The following PTPRD variants were observed in gnomAD, a reference collection of about 807,000 sequenced individuals.
The protein encoded by PTPRD is receptor-type tyrosine-protein phosphatase delta.
Under a neutral mutation model 214.5 loss-of-function variants are expected in PTPRD, and 34 were observed. The ratio of observed to expected loss-of-function variants is 0.16; its 90% CI spans 0.12 to 0.21. PTPRD has a LOEUF of 0.21. Among genes scored for constraint, PTPRD ranks in the 10% least tolerant of loss-of-function variants. PTPRD has a pLI of 1.00. For missense variants in PTPRD, 2,545 were observed against 2,398.7 expected, an observed-to-expected ratio of 1.06 and a Z score of -1.27; for synonymous variants, 1,128 against 845.7, an observed-to-expected ratio of 1.33 and a Z score of -5.79.
chr9:10,114,439 G>A (rs952207074), intron 3 of PTPRD, among the ~76,000 whole-genome samples: 1 of 152,066 alleles, frequency 6.6e-6, no homozygotes, highest in Non-Finnish European at 1.5e-5. Flanking sequence ...TAGCTAGACA[G>A]GACCAATACC....
intron 3 of PTPRD, among the ~76,000 whole-genome samples, chr9:10,313,048 AT>A (rs1441584079): frequency 6.6e-6 from 1 of 151,892 alleles, no homozygotes; most frequent in Non-Finnish European, 1.5e-5. Flanking sequence ...GATTGGATAT[AT>A]GTCCTCTCCA....
At chr9:10,303,631 T>C (rs582806) in intron 3 of PTPRD, among the ~76,000 whole-genome samples, 2 of 151,686 alleles carry the variant, frequency 1.3e-5, no homozygotes, top group African/African-American at 2.4e-5. Context: ...AATACTATAA[T>C]CATCTGTAGG....
At chr9:8,504,799 T>C (rs1213452799) in intron 22 of PTPRD, among the ~76,000 whole-genome samples, 4 of 152,182 alleles carry the variant, frequency 2.6e-5, no homozygotes, top group Non-Finnish European at 5.9e-5. Flanking sequence ...GCCCAACATG[T>C]GCAATTTTAA....
chr9:8,749,820 G>A (rs563205628), intron 11 of PTPRD, among the ~76,000 whole-genome samples: 33 of 152,122 alleles, frequency 2.2e-4, no homozygotes, highest in East Asian at 3.9e-4. Context: ...AGCAAGGTCC[G>A]GCTGGGTGCG....
chr9:8,618,914 G>GTTTTTTT (rs554282961), intron 14 of PTPRD, among the ~76,000 whole-genome samples: 1 of 67,834 alleles, frequency 1.5e-5, no homozygotes, highest in Admixed American at 2.3e-4. Flanking sequence ...GTGTTTTTTT[G>GTTTTTTT]TTTTTTTTTT....
chr9:8,782,422 T>G (rs1318615083), intron 11 of PTPRD, among the ~76,000 whole-genome samples: 1 of 152,188 alleles, frequency 6.6e-6, no homozygotes, highest in Non-Finnish European at 1.5e-5. Context: ...GTCACCATGT[T>G]GTGCAATACA....
chr9:9,350,249 G>A (rs1050312937), intron 9 of PTPRD, among the ~76,000 whole-genome samples: 1 of 152,048 alleles, frequency 6.6e-6, no homozygotes, highest in Non-Finnish European at 1.5e-5. Flanking sequence ...TGGATTCTAA[G>A]GCATTCTGAC....
At chr9:10,223,670 A>AAATAATAATAATAAT (rs67338126) in intron 3 of PTPRD, among the ~76,000 whole-genome samples, 4 of 134,350 alleles carry the variant, frequency 3.0e-5, no homozygotes, top group South Asian at 4.9e-4. Context: ...ATTCTGTCTC[A>AAATAATAATAATAAT]AATAATAATA....
intron 33 of PTPRD, among the ~76,000 whole-genome samples, chr9:8,458,146 A>C (rs754013985): frequency 2.6e-5 from 4 of 152,162 alleles, no homozygotes; most frequent in African/African-American, 9.7e-5. Flanking sequence ...CGATGCTTAC[A>C]TAGGCCCACA....
intron 10 of PTPRD, among the ~76,000 whole-genome samples, chr9:9,098,709 T>C (rs1029700861): frequency 1.3e-5 from 2 of 152,222 alleles, no homozygotes; most frequent in African/African-American, 4.8e-5. Context: ...ATGTGGATCT[T>C]ACACGCTATT....
intron 32 of PTPRD, among the ~76,000 whole-genome samples, chr9:8,461,124 C>T (rs1208021581): frequency 3.3e-5 from 5 of 152,030 alleles, no homozygotes; most frequent in Non-Finnish European, 5.9e-5. Flanking sequence ...AATACTACTG[C>T]ATATTAGTTA....
intron 6 of PTPRD, among the ~76,000 whole-genome samples, chr9:9,748,181 A>T (rs534181069): frequency 4.7e-4 from 71 of 152,300 alleles, no homozygotes; most frequent in African/African-American, 1.5e-3. Flanking sequence ...CTTGGTGCAT[A>T]TAAAGATAGT....
chr9:9,514,019 G>A (rs1054167647), intron 8 of PTPRD, among the ~76,000 whole-genome samples: 2 of 151,966 alleles, frequency 1.3e-5, no homozygotes, highest in Admixed American at 1.3e-4. Context: ...TGCTTTCCTG[G>A]AGAGCCTTAA....
chr9:10,575,873 T>C (rs1211509722), intron 2 of PTPRD, among the ~76,000 whole-genome samples: 3 of 152,158 alleles, frequency 2.0e-5, no homozygotes, highest in Non-Finnish European at 4.4e-5. Flanking sequence ...ATTTTCTTTC[T>C]GCTAATTCCT....
chr9:9,655,412 T>C (rs2096484788), intron 7 of PTPRD, among the ~76,000 whole-genome samples: 1 of 150,826 alleles, frequency 6.6e-6, no homozygotes, highest in Non-Finnish European at 1.5e-5. Context: ...TGTACTAAAA[T>C]ACAAAAATTA....
chr9:10,411,368 TCATCATGA>T (rs1427594678), intron 2 of PTPRD, among the ~76,000 whole-genome samples: 1 of 151,794 alleles, frequency 6.6e-6, no homozygotes, highest in African/African-American at 2.4e-5. Flanking sequence ...ATTTCCCAGT[TCATCATGA>T]AAGGATGCAA....
intron 3 of PTPRD, among the ~76,000 whole-genome samples, chr9:10,257,984 G>A (rs1041151174): frequency 6.6e-6 from 1 of 152,266 alleles, no homozygotes; most frequent in South Asian, 2.1e-4. Context: ...GGAAGGGAAG[G>A]AGAAGGTAGG....
intron 10 of PTPRD, among the ~76,000 whole-genome samples, chr9:9,061,558 A>G (rs1266088209): frequency 1.3e-5 from 2 of 152,156 alleles, no homozygotes; most frequent in Non-Finnish European, 2.9e-5. Flanking sequence ...ATACACCCCA[A>G]GGTTGTCAAC....
At chr9:9,637,444 G>T (rs1312394647) in intron 7 of PTPRD, among the ~76,000 whole-genome samples, 2 of 152,182 alleles carry the variant, frequency 1.3e-5, no homozygotes, top group East Asian at 3.9e-4. Context: ...AGAAAAGAAG[G>T]AAGGAGTAAT....
Sources: allele counts gnomAD v4.1 joint callset (sites outside exome capture counted in the v4.1 genomes callset), GRCh38; gene constraint gnomAD v4.1.1; transcripts MANE v1.5; gene names NCBI Gene and HGNC (gene_info 2026-07-23, HGNC 2026-07-21).